UROS: variants seen among roughly 807,000 people sequenced by gnomAD.
The protein encoded by UROS is uroporphyrinogen III synthase.
Under a neutral mutation model 33.0 loss-of-function variants are expected in UROS, and 18 were observed. The observed-to-expected ratio is 0.55, with a 90% CI of 0.38 to 0.81. The LOEUF (loss-of-function observed/expected upper bound fraction) is 0.81, where lower values mean the gene tolerates loss of function less well. Ranked by LOEUF, UROS falls within the 30% of genes least tolerant of loss-of-function variation. The pLI is 0.00. For synonymous variants in UROS, 114 were observed against 121.1 expected (o/e 0.94, Z 0.38); for missense variants, 293 against 314.9 (o/e 0.93, Z 0.53).
At chr10:125,793,130 A>G (rs925899761) in intron 9 of UROS, 1 of 152,244 alleles carries the variant, frequency 6.6e-6, no homozygotes, top group Non-Finnish European at 1.5e-5. Context: ...CCCAGCTGCC[A>G]TGGGTGTGGA....
chr10:125,794,778 C>T (rs1851208763), intron 9 of UROS, 102 bp downstream of exon 9: 1 of 1,149,074 alleles, frequency 8.7e-7, no homozygotes, highest in Admixed American at 2.2e-5. Context: ...ACCTGCTAGG[C>T]CAGGGGTGTC....
chr10:125,819,972 G>C (rs769089760), intron 1 of UROS: 2 of 148,448 alleles, frequency 1.3e-5, no homozygotes, highest in Non-Finnish European at 3.0e-5. Context: ...TGATGAAAAA[G>C]AAAAGAAAAA....
At position 125,816,402 on chromosome 10, in the gene UROS, G is replaced by A. The variant is rs375837383; in HGVS notation, c.63+35C>T. 781 of 1,613,510 alleles carry A rather than the reference G, an allele frequency of 4.8e-4. 5 individuals are homozygous for A. In the Middle Eastern group the frequency reaches 0.012, roughly 24 times the overall value. On this transcript the variant is annotated intron_variant, in intron 2 of 9. Coordinates refer to ENST00000368797, the MANE Select transcript of UROS (RefSeq NM_000375.3). ...TCCAGGCCCCTTGACTCAGTAGAAAGGACACTGTGGGATAAGGAGTCTCAG... is the reference window on the plus strand; with the variant it reads ...TCCAGGCCCCTTGACTCAGTAGAAAAGACACTGTGGGATAAGGAGTCTCAG...
intron 1 of UROS, 100 bp from the exon 2 acceptor site, chr10:125,816,625 T>A (rs903406187): frequency 1.7e-6 from 2 of 1,195,922 alleles, no homozygotes; most frequent in East Asian, 2.4e-5. Flanking sequence ...AATCAAATGC[T>A]TGTGGAAGAG....
At chr10:125,806,168 A>G (rs549838613) in intron 6 of UROS, among the ~76,000 whole-genome samples, 3 of 152,372 alleles carry the variant, frequency 2.0e-5, no homozygotes, top group South Asian at 2.1e-4. Context: ...GTAATGCCTT[A>G]TAAGACGTTA....
intron 6 of UROS, among the ~76,000 whole-genome samples, chr10:125,799,969 G>A (rs1019746935): frequency 3.9e-4 from 60 of 152,182 alleles, no homozygotes; most frequent in Admixed American, 2.0e-4. Flanking sequence ...CTGACACAGA[G>A]ATAGTGAACT....
chr10:125,794,896 T>C lies in UROS; in HGVS notation c.644A>G (p.Asn215Ser), dbSNP rs1717888389. Residue 215 changes from asparagine (N) to serine (S), a missense_variant, in exon 9 of 10, where the codon AAT becomes AGT. Physicochemically the swap from Asn to Ser is conservative, Grantham distance 46. Coordinates refer to ENST00000368797, the MANE Select transcript of UROS (RefSeq NM_000375.3). ...LKHIQELSGD[N>S]IDQIKFAAIG... ...ATAACTTACCTTAATTTGATCGATA[T>C]TGTCACCAGATAACTCCTGAATGTG... The C allele has an allele frequency of 6.2e-7, 1 of 1,613,610 alleles. No individual in the cohort carries two copies. Among genetic ancestry groups the C allele is most frequent in the South Asian group, 1.1e-5 (1 of 91,080 alleles).
intron 1 of UROS, among the ~76,000 whole-genome samples, chr10:125,819,486 G>A (rs1853657796): frequency 6.6e-6 from 1 of 152,074 alleles, no homozygotes. Flanking sequence ...TTCTGCTGGA[G>A]GCATCTGATC....
chr10:125,792,165 A>T (rs904267612), intron 9 of UROS: 4 of 152,218 alleles, frequency 2.6e-5, no homozygotes, highest in East Asian at 1.9e-4. Flanking sequence ...CTATTTAAAA[A>T]TTTGAAAAAA....
chr10:125,804,175 G>T (rs1170064286), intron 6 of UROS, among the ~76,000 whole-genome samples: 1 of 152,170 alleles, frequency 6.6e-6, no homozygotes, highest in Non-Finnish European at 1.5e-5. Flanking sequence ...GCCACACAGA[G>T]GATCACAACC....
At chr10:125,803,993 C>A (rs1008688516) in intron 6 of UROS, among the ~76,000 whole-genome samples, 1 of 152,232 alleles carries the variant, frequency 6.6e-6, no homozygotes, top group African/African-American at 2.4e-5. Flanking sequence ...GGAAATATTT[C>A]GTTTTCCTCC....
At chr10:125,786,159 A>T (rs975376692), downstream of UROS, among the ~76,000 whole-genome samples, 5 of 152,102 alleles carry the variant, frequency 3.3e-5, no homozygotes. Context: ...ACATCTACGA[A>T]CTCAAAGCTG....
At chr10:125,822,575 G>A (rs544158264) in intron 1 of UROS, among the ~76,000 whole-genome samples, 3 of 152,062 alleles carry the variant, frequency 2.0e-5, no homozygotes, top group South Asian at 4.2e-4. Context: ...CACCCATCTC[G>A]GCCTCCCAAA....
downstream of UROS, among the ~76,000 whole-genome samples, chr10:125,788,305 T>C (rs2281958): frequency 0.43 from 66,131 of 152,084 alleles, 14,622 homozygotes; most frequent in Non-Finnish European, 0.47. Flanking sequence ...CCGGCCTCTC[T>C]AGCCCCTCAG....
rs773703102 is a variant in UROS at position 125,794,868 on chromosome 10, T to G, written c.660+12A>C. 6 of 1,607,274 alleles carry G rather than the reference T, an allele frequency of 3.7e-6. No homozygotes were observed. Among genetic ancestry groups the G allele is most frequent in the Non-Finnish European group, 5.1e-6 (6 of 1,174,180 alleles). ...AATCTGAAAAAGACCAAAAGCTCAT[T>G]GAATAACTTACCTTAATTTGATCGA... On this transcript the variant is annotated intron_variant, in intron 9 of 9. Coordinates refer to ENST00000368797, the MANE Select transcript of UROS (RefSeq NM_000375.3).
At chr10:125,808,809 C>G (rs1852557088) in intron 5 of UROS, among the ~76,000 whole-genome samples, 1 of 152,224 alleles carries the variant, frequency 6.6e-6, no homozygotes, top group African/African-American at 2.4e-5. Flanking sequence ...CCGGTCCACC[C>G]CACAGTCCAC....
chr10:125,798,738 G>A (rs1026658901), intron 6 of UROS, among the ~76,000 whole-genome samples: 18 of 152,232 alleles, frequency 1.2e-4, no homozygotes, highest in African/African-American at 4.3e-4. Context: ...AGCCTGCTAA[G>A]AACGGCCTGC....
rs150831165 is a variant in UROS at position 125,812,894 on chromosome 10, T to C, written c.245-606A>G. 1.3e-3 allele frequency among the ~76,000 whole-genome samples: 205 copies of C among 152,334 alleles called. 4 individuals carry two copies. The South Asian group carries it at 0.027, about 20-fold the overall frequency. On this transcript the variant is annotated intron_variant, in intron 4 of 9. Coordinates refer to ENST00000368797, the MANE Select transcript of UROS (RefSeq NM_000375.3). ...AAACACAAAGAGAAAATGGATTGTA[T>C]AAATATATCATAAAGCTACTGGGCA... is the stretch of plus-strand genomic sequence containing the variant.
rs1850718397 is a variant in UROS at position 125,788,860 on chromosome 10, T to C, written c.*8A>G. 2 of 1,580,252 alleles carry C rather than the reference T, an allele frequency of 1.3e-6. No homozygotes were observed. The highest frequency in any genetic ancestry group is 1.7e-6 in the Non-Finnish European group (2 of 1,165,018). On this transcript the variant is annotated 3_prime_UTR_variant, in exon 10 of 10. Coordinates refer to ENST00000368797, the MANE Select transcript of UROS (RefSeq NM_000375.3). ...GAGGCTGCATGGGGCCAGCGCTAGG[T>C]GGCTGACTCAGCAGCAGCCATGGGG...
Sources: gnomAD v4.1 joint callset for allele counts (sites outside exome capture counted in the v4.1 genomes callset) on GRCh38, gnomAD v4.1.1 for gene constraint, MANE v1.5 for transcripts, NCBI Gene and HGNC (gene_info 2026-07-23, HGNC 2026-07-21) for gene names.